YAP1: variants seen among roughly 807,000 people sequenced by gnomAD.
The protein encoded by YAP1 is Yes1 associated transcriptional regulator.
Under a neutral mutation model 56.9 loss-of-function variants are expected in YAP1, and 5 were observed. The ratio of observed to expected loss-of-function variants is 0.09; its 90% CI spans 0.05 to 0.18. The LOEUF (loss-of-function observed/expected upper bound fraction) is 0.18. YAP1 is among the 10% of genes least tolerant of loss of function. The pLI is 1.00. For missense variants in YAP1, 539 were observed against 651.8 expected (o/e 0.83, Z 1.88); for synonymous variants, 265 against 248.1 (o/e 1.07, Z -0.64).
At chr11:102,214,715 T>G (rs1188928797) in intron 6 of YAP1, among the ~76,000 whole-genome samples, 1 of 152,208 alleles carries the variant, frequency 6.6e-6, no homozygotes, top group African/African-American at 2.4e-5. Flanking sequence ...AGAGGGAAGA[T>G]TTAGTCTCAC....
At chr11:102,162,869 T>C (rs1429166321) in intron 3 of YAP1, among the ~76,000 whole-genome samples, 6 of 152,230 alleles carry the variant, frequency 3.9e-5, no homozygotes. Flanking sequence ...TTTGGTTTTA[T>C]TCTGCTGCTT....
intron 3 of YAP1, among the ~76,000 whole-genome samples, chr11:102,172,060 C>T (rs12222063): frequency 4.0e-5 from 6 of 151,392 alleles, no homozygotes; most frequent in Non-Finnish European, 8.8e-5. Flanking sequence ...GTGTTTGGTG[C>T]CGTTTGCCTG....
At position 102,181,660 on chromosome 11, in the gene YAP1, T is replaced by C. The variant is rs186426705; in HGVS notation, c.689-4358T>C. Among the ~76,000 whole-genome samples the C allele has an allele frequency of 6.6e-4, 101 of 152,240 alleles. 2 individuals carry two copies. Among genetic ancestry groups the C allele is most frequent in the African/African-American group, 2.1e-3 (86 of 41,526 alleles). ...GTGGTGCCTGTTTTGTCATGGTAGA[T>C]TTGCCTAATCCTAGCAGACGTGACT... is the stretch of plus-strand genomic sequence containing the variant. On this transcript the variant is annotated intron_variant, in intron 3 of 8. Coordinates refer to ENST00000282441, the MANE Select transcript of YAP1 (RefSeq NM_001130145.3).
intron 4 of YAP1, among the ~76,000 whole-genome samples, chr11:102,199,376 A>G (rs1364344701): frequency 2.0e-5 from 3 of 152,210 alleles, no homozygotes; most frequent in Non-Finnish European, 4.4e-5. Context: ...ATTTTATTAC[A>G]TGAGGTTGTT....
At chr11:102,227,640 G>A in intron 8 of YAP1, 59 bp downstream of exon 8, 1 of 1,113,660 alleles carries the variant, frequency 9.0e-7, no homozygotes, top group Non-Finnish European at 1.4e-6. Flanking sequence ...GTTATCACCA[G>A]GTCTCATAAG....
Position 102,110,963 on chromosome 11 carries a change from G to C in YAP1, c.115G>C (p.Ala39Pro). 6.6e-7 allele frequency: 1 copy of C among 1,514,552 alleles called. No individual in the cohort carries two copies. The highest frequency in any genetic ancestry group is 1.2e-5 in the South Asian group (1 of 81,636). The allele number at this position is 1,514,552 out of a possible 1,614,324, so 93.8% of individuals were successfully genotyped here. ...GTCCGGACCCGGGCAACCGGCACCCGCGGCGACCCAGGCGGCGCCGCAGGC... is the reference window on the plus strand; with the variant it reads ...GTCCGGACCCGGGCAACCGGCACCCCCGGCGACCCAGGCGGCGCCGCAGGC... Reference protein sequence around the residue: ...PPSGPGQPAPAATQAAPQAPP... With the variant: ...PPSGPGQPAPPATQAAPQAPP... Residue 39 changes from alanine to proline, a missense_variant, in exon 1 of 9, where the codon GCG (alanine) becomes CCG (proline). By Grantham distance (27) the Ala-to-Pro change is conservative. This residue lies in a region of YAP1 where 106 missense variants were observed against 86.6 expected (regional missense o/e 1.22). Transcript: ENST00000282441.
intron 3 of YAP1, among the ~76,000 whole-genome samples, chr11:102,180,101 C>T (rs1947500294): frequency 6.6e-6 from 1 of 150,926 alleles, no homozygotes; most frequent in East Asian, 2.0e-4. Flanking sequence ...CCTCCAACTC[C>T]CGGGTACGAG....
chr11:102,124,059 C>G (rs1943877035), intron 2 of YAP1, among the ~76,000 whole-genome samples: 2 of 151,784 alleles, frequency 1.3e-5, no homozygotes. Flanking sequence ...TCAAGCGATT[C>G]TCCTGCCTTA....
intron 3 of YAP1, among the ~76,000 whole-genome samples, chr11:102,170,266 ACC>A (rs1946830669): frequency 6.6e-6 from 1 of 152,210 alleles, no homozygotes; most frequent in South Asian, 2.1e-4. Flanking sequence ...GTTTAAAGAA[ACC>A]CACATTCATT....
intron 5 of YAP1, among the ~76,000 whole-genome samples, chr11:102,207,019 T>C (rs1591419548): frequency 6.6e-6 from 1 of 152,302 alleles, no homozygotes; most frequent in African/African-American, 2.4e-5. Flanking sequence ...GTTCCTAATA[T>C]ATATAATTAA....
intron 3 of YAP1, among the ~76,000 whole-genome samples, chr11:102,172,718 A>T (rs2135445147): frequency 6.6e-6 from 1 of 152,238 alleles, no homozygotes; most frequent in South Asian, 2.1e-4. Context: ...TGGAAGAAAG[A>T]AAAATAGACC....
intron 6 of YAP1, among the ~76,000 whole-genome samples, chr11:102,214,901 C>T (rs1273381288): frequency 6.6e-6 from 1 of 152,274 alleles, no homozygotes; most frequent in East Asian, 1.9e-4. Context: ...TGCTAGGGAA[C>T]ACCAACCTGC....
rs1765732574 is a variant in YAP1 at position 102,230,545 on chromosome 11, A to C, written c.*605A>C. ...ATAATGACCTTGATTTTATTTTAGG[A>C]GCTTATAAGGCATGAGACAATTTCC... On this transcript the variant is annotated 3_prime_UTR_variant, in exon 9 of 9. Coordinates refer to ENST00000282441, the MANE Select transcript of YAP1 (RefSeq NM_001130145.3). The C allele has an allele frequency of 6.5e-6, 1 of 152,680 alleles. No homozygotes were observed. Among genetic ancestry groups the C allele is most frequent in the Admixed American group, 6.5e-5 (1 of 15,276 alleles). 9.5% of individuals were successfully genotyped at this position (152,680 alleles called of 1,614,324 possible).
chr11:102,228,634 CAAAAAAAAAAAAAA>C (rs71059544), intron 8 of YAP1, among the ~76,000 whole-genome samples: 8 of 31,626 alleles, frequency 2.5e-4, no homozygotes, highest in Admixed American at 1.8e-3. Flanking sequence ...GACTCCGTCT[CAAAAAAAAAAAAAA>C]AAAAAAAAAA....
At chr11:102,129,302 C>T (rs1376356365) in intron 2 of YAP1, among the ~76,000 whole-genome samples, 2 of 152,036 alleles carry the variant, frequency 1.3e-5, no homozygotes, top group East Asian at 3.8e-4. Context: ...GTTAGAATTT[C>T]ATGAAGACTG....
intron 2 of YAP1, among the ~76,000 whole-genome samples, chr11:102,158,835 T>C (rs1946107344): frequency 6.6e-6 from 1 of 152,218 alleles, no homozygotes; most frequent in Non-Finnish European, 1.5e-5. Flanking sequence ...ATTATGTTGT[T>C]CAGTGTTCCT....
At chr11:102,169,528 A>C (rs1482155703) in intron 3 of YAP1, among the ~76,000 whole-genome samples, 1 of 152,234 alleles carries the variant, frequency 6.6e-6, no homozygotes. Context: ...AATAGCAGTG[A>C]ACTATAACAA....
At chr11:102,151,034 C>T (rs1024316272) in intron 2 of YAP1, among the ~76,000 whole-genome samples, 3 of 151,680 alleles carry the variant, frequency 2.0e-5, no homozygotes, top group East Asian at 1.9e-4. Context: ...TGCCTGACCC[C>T]GTGGTTGCTG....
intron 4 of YAP1, among the ~76,000 whole-genome samples, chr11:102,188,166 A>T (rs1948083193): frequency 6.6e-6 from 1 of 152,248 alleles, no homozygotes; most frequent in African/African-American, 2.4e-5. Flanking sequence ...CTGCCAAAGA[A>T]ATATAAACTA....
Sources: gnomAD v4.1 joint callset for allele counts (sites outside exome capture counted in the v4.1 genomes callset) on GRCh38, gnomAD v4.1.1 for gene constraint, gnomAD v4.1.1 regional missense constraint, MANE v1.5 for transcripts, NCBI Gene and HGNC (gene_info 2026-07-23, HGNC 2026-07-21) for gene names.